Variants in DPP3 observed in about 807,000 individuals in gnomAD.
DPP3 encodes the protein dipeptidyl peptidase 3, also known as DPP III.
Under a neutral mutation model 89.8 loss-of-function variants are expected in DPP3, and 64 were observed. The observed-to-expected ratio is 0.71, with a 90% CI of 0.58 to 0.88. DPP3 has a LOEUF of 0.88. DPP3 is among the 40% of genes least tolerant of loss of function. The pLI is 0.00. For synonymous variants in DPP3, 377 were observed against 404.3 expected (o/e 0.93, Z 0.81); for missense variants, 835 against 972.5 (o/e 0.86, Z 1.88).
Position 66,482,278 on chromosome 11 carries a change from G to C in DPP3, c.78G>C (p.Leu26=), listed in dbSNP as rs1444566555. The change falls in exon 2 of 18, where the codon CTG becomes CTC. Residue 26 remains leucine (L), a synonymous_variant. Transcript: ENST00000531863. ...SLDCREAFRL[L]SPTERLYAYH... ...ACTGCCGTGAGGCCTTCCGCCTGCT[G>C]TCACCCACAGAGCGCCTCTATGCCT... The C allele has an allele frequency of 1.2e-6, 2 of 1,614,044 alleles. No homozygotes were observed. The highest frequency in any genetic ancestry group is 1.3e-5 in the African/African-American group (1 of 74,940).
intron 16 of DPP3, among the ~76,000 whole-genome samples, chr11:66,501,978 A>G (rs187684587): frequency 7.4e-4 from 112 of 152,190 alleles, no homozygotes; most frequent in Non-Finnish European, 1.4e-3. Flanking sequence ...TGGGCAGATC[A>G]TGAGGTCAAA....
chr11:66,493,954 G>T (rs1855464250), intron 12 of DPP3, among the ~76,000 whole-genome samples: 1 of 152,124 alleles, frequency 6.6e-6, no homozygotes, highest in African/African-American at 2.4e-5. Context: ...GAATTGTTTG[G>T]CTCAGGCTAA....
At chr11:66,483,623 A>G (rs972720318) in intron 2 of DPP3, among the ~76,000 whole-genome samples, 1 of 152,210 alleles carries the variant, frequency 6.6e-6, no homozygotes, top group African/African-American at 2.4e-5. Flanking sequence ...AAACAGTGCC[A>G]TGGTGAGCAT....
intron 6 of DPP3, 68 bp from the exon 7 acceptor site, chr11:66,491,185 C>T: frequency 2.5e-6 from 4 of 1,601,072 alleles, no homozygotes; most frequent in Non-Finnish European, 3.4e-6. Flanking sequence ...GTGTCTTACT[C>T]AGGCCTTTTC....
At chr11:66,487,774 A>G (rs546439989) in intron 5 of DPP3, 140 bp from the exon 6 acceptor site, 4 of 696,422 alleles carry the variant, frequency 5.7e-6, no homozygotes, top group African/African-American at 3.6e-5. Flanking sequence ...ACTCTCTCCC[A>G]CTCCTGCTCC....
At chr11:66,486,746 G>C in intron 4 of DPP3, 69 bp downstream of exon 4, 2 of 1,420,836 alleles carry the variant, frequency 1.4e-6, no homozygotes, top group Admixed American at 5.4e-5. Flanking sequence ...TGGTAAGGAG[G>C]GAAGGACACG....
intron 16 of DPP3, among the ~76,000 whole-genome samples, chr11:66,498,149 AGTGGC>A (rs1258092570): frequency 4.0e-5 from 6 of 150,996 alleles, no homozygotes; most frequent in African/African-American, 7.3e-5. Context: ...GCTGGAGTGC[AGTGGC>A]GTGATCTGTG....
intron 5 of DPP3, 68 bp from the exon 6 acceptor site, chr11:66,487,846 T>C (rs1725343379): frequency 6.8e-7 from 1 of 1,468,110 alleles, no homozygotes. Context: ...GGTTGACCCA[T>C]TTTCCTTCCT....
chr11:66,487,803 C>A, intron 5 of DPP3, 111 bp from the exon 6 acceptor site: 1 of 966,038 alleles, frequency 1.0e-6, no homozygotes, highest in East Asian at 2.5e-5. Context: ...CCAGAAGGCC[C>A]AGCCTGCTTT....
Position 66,485,411 on chromosome 11 carries a change from C to T in DPP3, c.360+149C>T. 4 of 739,570 alleles carry T rather than the reference C, an allele frequency of 5.4e-6. No homozygotes were observed. The South Asian group carries it at 6.8e-5, about 13-fold the overall frequency. The allele number at this position is 739,570 out of a possible 1,614,324, so 45.8% of individuals were successfully genotyped here. On this transcript the variant is annotated intron_variant, in intron 3 of 17. Coordinates refer to ENST00000531863, the MANE Select transcript of DPP3 (RefSeq NM_130443.4). ...TTCCACCCTGCATGACTGTGGGTGT[C>T]ACCAGCCTCACTGGGTGCTGCGGCC...
Position 66,492,915 on chromosome 11 carries a change from G to A in DPP3, c.1183+5G>A. 1.2e-6 allele frequency: 2 copies of A among 1,607,168 alleles called. No individual in the cohort carries two copies. The highest frequency in any genetic ancestry group is 1.7e-6 in the Non-Finnish European group (2 of 1,176,314). ...CCGGCATCAACATCCCCAACTGTGAGTGTCTCAGGCCCAGCCCCCGAGCCC... is the reference window on the plus strand; with the variant it reads ...CCGGCATCAACATCCCCAACTGTGAATGTCTCAGGCCCAGCCCCCGAGCCC... On this transcript the variant is annotated splice_donor_5th_base_variant and intron_variant, in intron 10 of 17. Coordinates refer to ENST00000531863, the MANE Select transcript of DPP3 (RefSeq NM_130443.4).
chr11:66,496,929 G>A (rs1385841483), intron 15 of DPP3, among the ~76,000 whole-genome samples: 1 of 152,170 alleles, frequency 6.6e-6, no homozygotes, highest in Non-Finnish European at 1.5e-5. Context: ...CACAAACAAG[G>A]TTGTGGAGGA....
At chr11:66,482,561 T>A (rs1590730194) in intron 2 of DPP3, 91 bp downstream of exon 2, 1 of 1,534,928 alleles carries the variant, frequency 6.5e-7, no homozygotes, top group African/African-American at 1.4e-5. Context: ...AAGGGGTAGG[T>A]GGAGGATTAG....
At chr11:66,490,910 C>G (rs1271202838) in intron 6 of DPP3, among the ~76,000 whole-genome samples, 1 of 151,938 alleles carries the variant, frequency 6.6e-6, no homozygotes, top group African/African-American at 2.4e-5. Context: ...GCTGGCATGA[C>G]AGGCACCTAC....
At chr11:66,481,774 A>G (rs868689654) in intron 1 of DPP3, among the ~76,000 whole-genome samples, 37 of 151,614 alleles carry the variant, frequency 2.4e-4, no homozygotes, top group Middle Eastern at 3.4e-3. Context: ...CAGCCTTCCC[A>G]GTAGCTGAGA....
At chr11:66,492,675 C>T in intron 9 of DPP3, 41 bp from the exon 10 acceptor site, 1 of 1,539,724 alleles carries the variant, frequency 6.5e-7, no homozygotes, top group Non-Finnish European at 8.7e-7. Context: ...GGGAGCCCTC[C>T]TGGAACCCTG....
intron 16 of DPP3, among the ~76,000 whole-genome samples, chr11:66,499,634 GT>G (rs1230698995): frequency 6.6e-6 from 1 of 151,972 alleles, no homozygotes; most frequent in African/African-American, 2.4e-5. Flanking sequence ...GCTGGGCATG[GT>G]GGCAGGCGCC....
chr11:66,485,418 C>G (rs1188482547), intron 3 of DPP3, among the ~76,000 whole-genome samples, 156 bp downstream of exon 3: 1 of 152,200 alleles, frequency 6.6e-6, no homozygotes, highest in African/African-American at 2.4e-5. Flanking sequence ...TGTCACCAGC[C>G]TCACTGGGTG....
At chr11:66,489,321 G>C (rs1347444871) in intron 6 of DPP3, among the ~76,000 whole-genome samples, 1 of 152,106 alleles carries the variant, frequency 6.6e-6, no homozygotes, top group Non-Finnish European at 1.5e-5. Context: ...CTGAGTCTGT[G>C]CCCTTCTTTC....
Sources: gnomAD v4.1 joint callset for allele counts (sites outside exome capture counted in the v4.1 genomes callset) on GRCh38, gnomAD v4.1.1 for gene constraint, MANE v1.5 for transcripts, NCBI Gene and HGNC (gene_info 2026-07-23, HGNC 2026-07-21) for gene names.